FRMPD1: variants seen among roughly 807,000 people sequenced by gnomAD.
FRMPD1 encodes FERM and PDZ domain containing 1, also known as FERM and PDZ domain-containing protein 1.
A neutral mutation model predicts 117.8 loss-of-function variants in FRMPD1; 76 were observed. The ratio of observed to expected loss-of-function variants is 0.65; its 90% CI spans 0.54 to 0.78. FRMPD1 has a LOEUF of 0.78. Among genes scored for constraint, FRMPD1 ranks in the 30% least tolerant of loss-of-function variants. The probability of loss-of-function intolerance (pLI) is 0.00; values close to 1 mark genes in which losing one functional copy is unlikely to be tolerated. For missense variants in FRMPD1, 1,786 were observed against 1,964.5 expected, an observed-to-expected ratio of 0.91 and a Z score of 1.72; for synonymous variants, 783 against 770.4, an observed-to-expected ratio of 1.02 and a Z score of -0.27.
intron 1 of FRMPD1, among the ~76,000 whole-genome samples, chr9:37,656,527 A>G (rs1450293752): frequency 1.3e-5 from 2 of 152,246 alleles, no homozygotes; most frequent in African/African-American, 4.8e-5. Flanking sequence ...ACTTAACACC[A>G]ATCAATGTAT....
intron 15 of FRMPD1, among the ~76,000 whole-genome samples, chr9:37,743,069 A>G (rs887822222): frequency 1.3e-5 from 2 of 152,186 alleles, no homozygotes; most frequent in Non-Finnish European, 2.9e-5. Context: ...CTGATTCTCA[A>G]GTGCTAGGCT....
chr9:37,620,454 CTT>C, the FRMPD1 span, among the ~76,000 whole-genome samples: 1 of 151,966 alleles, frequency 6.6e-6, no homozygotes. Context: ...CCATAAATCA[CTT>C]AGTCCAGCAC....
At chr9:37,690,873 A>G (rs1254920932) in intron 1 of FRMPD1, among the ~76,000 whole-genome samples, 2 of 152,202 alleles carry the variant, frequency 1.3e-5, no homozygotes, top group African/African-American at 4.8e-5. Context: ...TGGAAGGGCA[A>G]AAGAGCACAC....
At chr9:37,644,188 C>G in the FRMPD1 span, among the ~76,000 whole-genome samples, 31 of 152,192 alleles carry the variant, frequency 2.0e-4, no homozygotes, top group African/African-American at 7.2e-4. Flanking sequence ...CAGGTCTTGA[C>G]AGAGTCAGGG....
At chr9:37,718,979 A>G (rs1338824981) in intron 5 of FRMPD1, 90 bp from the exon 6 acceptor site, 1 of 766,454 alleles carries the variant, frequency 1.3e-6, no homozygotes, top group Admixed American at 2.0e-5. Context: ...AACAGCTATC[A>G]AAGTTTCTGT....
Position 37,732,333 on chromosome 9 carries a change from T to G in FRMPD1, c.888T>G (p.Phe296Leu). The G allele has an allele frequency of 6.2e-7, 1 of 1,613,852 alleles. No homozygotes were observed. Among genetic ancestry groups the G allele is most frequent in the Non-Finnish European group, 8.5e-7 (1 of 1,179,996 alleles). The change falls in exon 10 of 16, where the codon TTT becomes TTG. Residue 296 changes from phenylalanine (F) to leucine (L), a missense_variant. Phe to Leu is a conservative substitution (Grantham distance 22). Transcript: ENST00000377765. ...GCAGCGATGTGCTCCAGGAGCGCTT[T>G]GCTGTAGAAATGAAATGTAGCTCTG... ...QSCSDVLQER[F>L]AVEMKCSSAL...
chr9:37,658,409 C>T (rs1483174463), intron 1 of FRMPD1, among the ~76,000 whole-genome samples: 1 of 152,176 alleles, frequency 6.6e-6, no homozygotes, highest in Non-Finnish European at 1.5e-5. Flanking sequence ...GACTCAGATC[C>T]CTCATCTGTC....
In FRMPD1 at chr9:37,746,208, CCT is replaced by C. The variant is rs778673796; in HGVS notation, c.4177_4178del (p.Leu1393ValfsTer27). On this transcript the variant is annotated frameshift_variant, in exon 16 of 16. Transcript: ENST00000377765. LOFTEE classifies it high-confidence loss of function. ...ARAHSCTTAP[L>X]SRKSHIWPEY... ...GAGCCCACAGCTGCACCACCGCACC[CCT>C]GTCGAGGAAAAGCCACATCTGGCCA... 6.8e-6 allele frequency: 11 copies of C among 1,613,226 alleles called. No homozygotes were observed. In the Admixed American group the frequency reaches 8.3e-5, roughly 12 times the overall value.
At chr9:37,641,872 G>GA in the FRMPD1 span, among the ~76,000 whole-genome samples, 2 of 152,168 alleles carry the variant, frequency 1.3e-5, 1 homozygote, top group Admixed American at 1.3e-4. Context: ...TCTACAAGGG[G>GA]CTTCTGTTTA....
chr9:37,670,516 G>A (rs1821314980), intron 1 of FRMPD1, among the ~76,000 whole-genome samples: 1 of 152,186 alleles, frequency 6.6e-6, no homozygotes, highest in Non-Finnish European at 1.5e-5. Context: ...GGTGCAAAAA[G>A]ATCAAAGCAT....
intron 3 of FRMPD1, 121 bp from the exon 4 acceptor site, chr9:37,708,278 C>CG: frequency 3.0e-6 from 2 of 656,882 alleles, no homozygotes; most frequent in Non-Finnish European, 5.5e-6. Context: ...TGACTGAAGG[C>CG]GGGGGAGTGA....
At chr9:37,639,770 C>T in the FRMPD1 span, among the ~76,000 whole-genome samples, 2 of 152,182 alleles carry the variant, frequency 1.3e-5, no homozygotes, top group Non-Finnish European at 2.9e-5. Flanking sequence ...AAGCCATCCT[C>T]CCGCCTCAGC....
Position 37,740,915 on chromosome 9 carries a change from G to A in FRMPD1, c.2356+31G>A, listed in dbSNP as rs370365761. The A allele has an allele frequency of 5.3e-5, 83 of 1,566,296 alleles. No homozygotes were observed. Among genetic ancestry groups the A allele is most frequent in the Middle Eastern group, 1.7e-4 (1 of 5,994 alleles). On this transcript the variant is annotated intron_variant, in intron 15 of 15. Coordinates refer to ENST00000377765, the MANE Select transcript of FRMPD1 (RefSeq NM_014907.3). This position sits in a 1 kb window ranked among gnomAD's most constrained non-coding sequence, Gnocchi z 4.2. ...CCGTCCCTTGCAGGTCTGCAGACAC[G>A]GCAGGCAGCTCCTGAGTGCCTCCCG...
rs369782266 is a variant in FRMPD1, at chr9:37,718,518, C to T, written c.409-551C>T. Among the ~76,000 whole-genome samples, 45 of 152,310 alleles carry T rather than the reference C, an allele frequency of 3.0e-4. No homozygotes were observed. In the South Asian group the frequency reaches 9.3e-3, roughly 32 times the overall value. ...TACCAACCTGTGATGACTCTCTTTA[C>T]TTCTTTGGGAAAAGAAGGTACCTTC... On this transcript the variant is annotated intron_variant, in intron 5 of 15. Transcript: ENST00000377765.
At chr9:37,702,911 T>G (rs898542916) in intron 2 of FRMPD1, among the ~76,000 whole-genome samples, 9 of 152,196 alleles carry the variant, frequency 5.9e-5, no homozygotes, top group Non-Finnish European at 1.3e-4. Context: ...GTTTATCTAT[T>G]CCCTATCGGG....
In FRMPD1 at chr9:37,698,019, G is replaced by T. The variant is rs569466003; in HGVS notation, c.101+5277G>T. On this transcript the variant is annotated intron_variant, in intron 2 of 15. Coordinates refer to ENST00000377765, the MANE Select transcript of FRMPD1 (RefSeq NM_014907.3). ...AGTCCCAGCTACTTGGAAGGCTGAG[G>T]CAGGAGAATCTCTTGAACCTGGGAG... Among the ~76,000 whole-genome samples, 19 of 152,176 alleles carry T rather than the reference G, an allele frequency of 1.2e-4. 1 individual carries two copies. The highest frequency in any genetic ancestry group is 6.5e-5 in the Admixed American group (1 of 15,282).
intron 1 of FRMPD1, among the ~76,000 whole-genome samples, chr9:37,663,486 A>T (rs1821060312): frequency 6.6e-6 from 1 of 152,030 alleles, no homozygotes; most frequent in Non-Finnish European, 1.5e-5. Context: ...TAATGAAAAC[A>T]TTTCTTCAAT....
intron 4 of FRMPD1, among the ~76,000 whole-genome samples, chr9:37,710,653 A>T (rs529885227): frequency 1.3e-5 from 2 of 152,226 alleles, no homozygotes; most frequent in Admixed American, 1.3e-4. Flanking sequence ...TATCTGTGTT[A>T]TTGCCATATT....
upstream of FRMPD1, among the ~76,000 whole-genome samples, chr9:37,648,765 G>T (rs1215984270): frequency 6.6e-6 from 1 of 152,114 alleles, no homozygotes; most frequent in African/African-American, 2.4e-5. Context: ...AGATAGGGAA[G>T]CAATGCAAAA....
Sources: gnomAD v4.1 joint callset for allele counts (sites outside exome capture counted in the v4.1 genomes callset) on GRCh38, gnomAD v4.1.1 for gene constraint, Gnocchi (gnomAD v3.1) non-coding constraint, MANE v1.5 for transcripts, NCBI Gene and HGNC (gene_info 2026-07-23, HGNC 2026-07-21) for gene names.